The following C4orf33 variants were observed in gnomAD, a reference collection of about 807,000 sequenced individuals.
C4orf33 encodes the protein UPF0462 protein C4orf33.
Under a neutral mutation model 24.3 loss-of-function variants are expected in C4orf33, and 20 were observed. The observed-to-expected ratio is 0.82, with a 90% confidence interval of 0.58 to 1.19. The LOEUF is 1.19. Ranked by LOEUF, C4orf33 falls within the 50% of genes most tolerant of loss-of-function variation. The pLI, the probability that C4orf33 is intolerant of heterozygous loss-of-function variation, is 0.00. For synonymous variants in C4orf33, 67 were observed against 76.4 expected (o/e 0.88, Z 0.64); for missense variants, 207 against 225.9 (o/e 0.92, Z 0.54).
rs1753780639 is a variant in C4orf33 at position 129,116,628 on chromosome 4, T to G, written c.*4837T>G. The G allele has an allele frequency of 6.6e-6, 1 of 152,222 alleles. No individual in the cohort carries two copies. The highest frequency in any genetic ancestry group is 2.1e-4 in the South Asian group (1 of 4,828). The allele number at this position is 152,222 out of a possible 1,614,324, so 9.4% of individuals were successfully genotyped here. A position where few individuals can be genotyped will look rare whatever the true frequency, so the allele number is the denominator to read the frequency against. ...GCATTCAGAGAAATAAAAATTATGC[T>G]AAAAACAAACGTATGTTTTTGAATT... On this transcript the variant is annotated 3_prime_UTR_variant, in exon 6 of 6. Coordinates refer to ENST00000425929, the MANE Select transcript of C4orf33 (RefSeq NM_001099783.2).
chr4:129,098,534 A>G (rs2125798533), intron 1 of C4orf33, among the ~76,000 whole-genome samples: 1 of 152,340 alleles, frequency 6.6e-6, no homozygotes, highest in East Asian at 1.9e-4. Flanking sequence ...TTTGTATTTT[A>G]AAAGGTTTTC....
intron 1 of C4orf33, 141 bp from the exon 2 acceptor site, chr4:129,102,461 C>A: frequency 1.8e-6 from 1 of 552,070 alleles, no homozygotes; most frequent in Non-Finnish European, 3.1e-6. Context: ...ACAAGATAGC[C>A]TTTTGACTCC....
At chr4:129,106,867 CTA>C (rs528861786) in intron 3 of C4orf33, among the ~76,000 whole-genome samples, 52 of 151,502 alleles carry the variant, frequency 3.4e-4, no homozygotes, top group Non-Finnish European at 5.3e-4. Flanking sequence ...TTTGAAAATC[CTA>C]TGTCAATATT....
upstream of C4orf33, among the ~76,000 whole-genome samples, chr4:129,094,966 G>A (rs934191381): frequency 6.6e-6 from 1 of 152,006 alleles, no homozygotes; most frequent in Non-Finnish European, 1.5e-5. Flanking sequence ...TTAACTCTAC[G>A]CTTACACCCA....
chr4:129,116,492 C>T lies in C4orf33; in HGVS notation c.*4701C>T, dbSNP rs1389645635. The T allele has an allele frequency of 6.6e-6, 1 of 152,152 alleles. No homozygotes were observed. The highest frequency in any genetic ancestry group is 1.5e-5 in the Non-Finnish European group (1 of 68,028). 9.4% of individuals were successfully genotyped at this position (152,152 alleles called of 1,614,324 possible). On this transcript the variant is annotated 3_prime_UTR_variant, in exon 6 of 6. Transcript: ENST00000425929. ...ACAGCATTTCTGACTCAATAGTACA[C>T]TGAAAGCCCATGTTTGTAATAATGC...
chr4:129,094,864 T>C (rs959214898), upstream of C4orf33, among the ~76,000 whole-genome samples: 2 of 152,254 alleles, frequency 1.3e-5, no homozygotes, highest in Non-Finnish European at 2.9e-5. Context: ...AACATCTCAC[T>C]GACTCTCCAA....
intron 1 of C4orf33, among the ~76,000 whole-genome samples, chr4:129,098,063 A>G (rs1753252278): frequency 6.6e-6 from 1 of 152,184 alleles, no homozygotes; most frequent in Non-Finnish European, 1.5e-5. Flanking sequence ...TGAATTGCAT[A>G]TACTTTTCCC....
intron 1 of C4orf33, among the ~76,000 whole-genome samples, chr4:129,097,593 T>A (rs1753243222): frequency 6.6e-6 from 1 of 152,240 alleles, no homozygotes; most frequent in African/African-American, 2.4e-5. Context: ...TGATGGGTAT[T>A]TAAGTTGCTT....
chr4:129,108,898 T>A (rs1416610195), intron 3 of C4orf33, among the ~76,000 whole-genome samples: 1 of 152,172 alleles, frequency 6.6e-6, no homozygotes, highest in East Asian at 1.9e-4. Context: ...TTGCATCTTT[T>A]TTTTTTTGAG....
At position 129,116,012 on chromosome 4, in the gene C4orf33, T is replaced by C. The variant is rs1401529536; in HGVS notation, c.*4221T>C. ...ATAAAATTGACTATTGTAACTCTAT[T>C]TTTTACCAACTATCATTTTTCATGG... On this transcript the variant is annotated 3_prime_UTR_variant, in exon 6 of 6. Transcript: ENST00000425929. 1 of 151,498 alleles carries C rather than the reference T, an allele frequency of 6.6e-6. No homozygotes were observed. Among genetic ancestry groups the C allele is most frequent in the East Asian group, 1.9e-4 (1 of 5,174 alleles). 9.4% of individuals were successfully genotyped at this position (151,498 alleles called of 1,614,324 possible). A position where few individuals can be genotyped will look rare whatever the true frequency, so the allele number is the denominator to read the frequency against.
In C4orf33 at chr4:129,108,464, T is replaced by C. The variant is rs183514613; in HGVS notation, c.243-843T>C. Among the ~76,000 whole-genome samples, 62 of 152,258 alleles carry C rather than the reference T, an allele frequency of 4.1e-4. 1 individual carries two copies. In the East Asian group the frequency reaches 8.9e-3, roughly 22 times the overall value. ...CAGGAAAACACAAGAGGCAGACATG[T>C]TGAGGACCGTGTGTGAAAAAAATAG... On this transcript the variant is annotated intron_variant, in intron 3 of 5. Transcript: ENST00000425929.
At chr4:129,106,885 T>C (rs1753535582) in intron 3 of C4orf33, among the ~76,000 whole-genome samples, 1 of 151,918 alleles carries the variant, frequency 6.6e-6, no homozygotes, top group Admixed American at 6.6e-5. Context: ...ATATTTTCAG[T>C]TCATTAATGT....
chr4:129,101,565 GT>G (rs1031906874), intron 1 of C4orf33, among the ~76,000 whole-genome samples: 13 of 152,146 alleles, frequency 8.5e-5, no homozygotes, highest in Middle Eastern at 3.4e-3. Context: ...GTTGACATTG[GT>G]TTAATTTCTA....
chr4:129,109,222 G>C, intron 3 of C4orf33, 85 bp from the exon 4 acceptor site: 1 of 1,283,708 alleles, frequency 7.8e-7, no homozygotes, highest in Non-Finnish European at 1.1e-6. Context: ...TTAGTTGCAA[G>C]CACACACATT....
upstream of C4orf33, chr4:129,094,164 A>C (rs958015267): frequency 6.6e-6 from 1 of 152,236 alleles, no homozygotes; most frequent in African/African-American, 2.4e-5. Flanking sequence ...ACTTCTTCAA[A>C]GATAAGCTTG....
At chr4:129,094,179 C>T (rs1021940571), upstream of C4orf33, among the ~76,000 whole-genome samples, 6 of 152,076 alleles carry the variant, frequency 3.9e-5, no homozygotes, top group African/African-American at 1.4e-4. Context: ...AGCTTGTTTC[C>T]TCAAATATAA....
At chr4:129,109,159 G>GA (rs1436002100) in intron 3 of C4orf33, 148 bp from the exon 4 acceptor site, 9 of 848,298 alleles carry the variant, frequency 1.1e-5, no homozygotes, top group East Asian at 9.7e-5. Context: ...AAAGTGCTGG[G>GA]TTACAGGCGT....
chr4:129,099,636 T>C (rs1757925), intron 1 of C4orf33, among the ~76,000 whole-genome samples: 107,525 of 152,094 alleles, frequency 0.71, 40,455 homozygotes, highest in South Asian at 0.89. Context: ...GAGCAGTGTA[T>C]AGGTTAATAG....
upstream of C4orf33, chr4:129,093,951 G>A (rs1753082670): frequency 6.6e-6 from 1 of 152,266 alleles, no homozygotes. Flanking sequence ...ATAGAAGCCA[G>A]ACTGGCGTCT....
Sources: allele counts gnomAD v4.1 joint callset (sites outside exome capture counted in the v4.1 genomes callset), GRCh38; gene constraint gnomAD v4.1.1; transcripts MANE v1.5; gene names NCBI Gene and HGNC (gene_info 2026-07-23, HGNC 2026-07-21).